TRAF5: variants seen among roughly 807,000 people sequenced by gnomAD.
TRAF5 encodes the protein TNF receptor-associated factor 5.
A neutral mutation model predicts 64.5 loss-of-function variants in TRAF5; 48 were observed. That is an observed-to-expected ratio of 0.74 (90% CI 0.59 to 0.95). The LOEUF (loss-of-function observed/expected upper bound fraction) is 0.95, where lower values mean the gene tolerates loss of function less well. TRAF5 is among the 40% of genes least tolerant of loss of function. The pLI is 0.00. For missense variants in TRAF5, 545 were observed against 662.8 expected, an observed-to-expected ratio of 0.82 and a Z score of 1.95; for synonymous variants, 206 against 240.5, an observed-to-expected ratio of 0.86 and a Z score of 1.33.
Position 211,372,224 on chromosome 1 carries a change from G to A in TRAF5, c.1196G>A (p.Gly399Asp), listed in dbSNP as rs1267899888. The A allele has an allele frequency of 1.9e-6, 3 of 1,613,868 alleles. No individual in the cohort carries two copies. Among genetic ancestry groups the A allele is most frequent in the Non-Finnish European group, 2.5e-6 (3 of 1,180,004 alleles). ...GAAGAGCGATTTAAACTGCTGGAGG[G>A]TACTTGCTATAATGGAAAGCTCATT... ...KNEERFKLLE[G>D]TCYNGKLIWK... Residue 399 changes from glycine to aspartate, a missense_variant, in exon 11 of 11, where the codon GGT (glycine) becomes GAT (aspartate). Physicochemically the swap from Gly to Asp is moderately conservative, Grantham distance 94. Coordinates refer to ENST00000261464, the MANE Select transcript of TRAF5 (RefSeq NM_001033910.3).
At chr1:211,328,893 G>C (rs1370439083) in intron 1 of TRAF5, among the ~76,000 whole-genome samples, 1 of 152,198 alleles carries the variant, frequency 6.6e-6, no homozygotes, top group Non-Finnish European at 1.5e-5. Flanking sequence ...GATTGTGAGG[G>C]TGAAGCACTG....
In TRAF5 at chr1:211,372,505, A is replaced by C. The variant is rs1353275542; in HGVS notation, c.1477A>C (p.Lys493Gln). ...TLMLLDQSGK[K>Q]NIMETFKPDP... is the part of the protein sequence containing the mutation. ...GATGCTTCTGGACCAGAGTGGCAAA[A>C]AGAACATTATGGAGACCTTCAAACC... The change falls in exon 11 of 11, where the codon AAG (lysine) becomes CAG (glutamine). Residue 493 changes from lysine (K) to glutamine (Q), a missense_variant. Coordinates refer to ENST00000261464, the MANE Select transcript of TRAF5 (RefSeq NM_001033910.3). 1 of 1,614,054 alleles carries C rather than the reference A, an allele frequency of 6.2e-7. No homozygotes were observed. The highest frequency in any genetic ancestry group is 8.5e-7 in the Non-Finnish European group (1 of 1,180,034).
intron 1 of TRAF5, among the ~76,000 whole-genome samples, chr1:211,349,676 G>A (rs1399397125): frequency 1.3e-5 from 2 of 152,230 alleles, no homozygotes; most frequent in African/African-American, 2.4e-5. Flanking sequence ...TGTAGCAAAA[G>A]ATGGACATAC....
intron 1 of TRAF5, among the ~76,000 whole-genome samples, chr1:211,331,078 C>T (rs911460355): frequency 1.6e-4 from 24 of 152,290 alleles, no homozygotes; most frequent in Admixed American, 3.9e-4. Context: ...TTGCAGAAAT[C>T]GCTGCTGTTC....
intron 8 of TRAF5, among the ~76,000 whole-genome samples, chr1:211,368,758 C>T (rs72743230): frequency 6.6e-6 from 1 of 152,252 alleles, no homozygotes; most frequent in Non-Finnish European, 1.5e-5. Context: ...CAATATGCTA[C>T]CCACGCATTT....
intron 7 of TRAF5, among the ~76,000 whole-genome samples, chr1:211,362,882 G>T (rs1040785969): frequency 1.3e-5 from 2 of 151,996 alleles, no homozygotes; most frequent in South Asian, 2.1e-4. Flanking sequence ...AAAAGGGGGG[G>T]GCTATTTTCC....
chr1:211,329,899 G>A (rs541530145), intron 1 of TRAF5, among the ~76,000 whole-genome samples: 1 of 152,318 alleles, frequency 6.6e-6, no homozygotes, highest in South Asian at 2.1e-4. Flanking sequence ...CCAGGAGTGG[G>A]CCAGCATGAA....
At chr1:211,346,963 T>C (rs1702628583) in intron 1 of TRAF5, among the ~76,000 whole-genome samples, 1 of 152,254 alleles carries the variant, frequency 6.6e-6, no homozygotes, top group African/African-American at 2.4e-5. Flanking sequence ...TTCTTTTGTC[T>C]CTTTTGGCTT....
At chr1:211,359,102 A>C (rs1020044679) in intron 4 of TRAF5, 17 of 151,926 alleles carry the variant, frequency 1.1e-4, no homozygotes, top group Admixed American at 9.2e-4. Context: ...GTACACCGCA[A>C]CACTTGGCTA....
chr1:211,334,958 C>G (rs1371036872), intron 1 of TRAF5, among the ~76,000 whole-genome samples: 2 of 152,182 alleles, frequency 1.3e-5, no homozygotes, highest in Admixed American at 6.5e-5. Context: ...TGGGTTTCAG[C>G]CCAGCATGGC....
chr1:211,360,615 A>G (rs977154652), intron 5 of TRAF5, 87 bp from the exon 6 acceptor site: 2 of 1,044,872 alleles, frequency 1.9e-6, no homozygotes, highest in Admixed American at 1.9e-5. Context: ...AAGCCACGTG[A>G]CATATAATCC....
At chr1:211,335,937 G>A (rs1480932508) in intron 1 of TRAF5, among the ~76,000 whole-genome samples, 2 of 152,180 alleles carry the variant, frequency 1.3e-5, no homozygotes, top group African/African-American at 2.4e-5. Context: ...ATTTGCAGGT[G>A]TGGTGGCAGG....
In TRAF5 at chr1:211,373,739, A is replaced by T. The variant is rs1703610185; in HGVS notation, c.*1037A>T. The T allele has an allele frequency of 6.6e-6, 1 of 152,106 alleles. No homozygotes were observed. The highest frequency in any genetic ancestry group is 1.5e-5 in the Non-Finnish European group (1 of 68,010). The allele number at this position is 152,106 out of a possible 1,614,324, so 9.4% of individuals were successfully genotyped here. ...CTAAAACAGTATCTACTATTCTCTG[A>T]TAACTTTTTTTTTGAGACAGAGTTT... On this transcript the variant is annotated 3_prime_UTR_variant, in exon 11 of 11. Transcript: ENST00000261464.
At chr1:211,371,567 C>A in intron 10 of TRAF5, 97 bp downstream of exon 10, 1 of 1,226,610 alleles carries the variant, frequency 8.2e-7, no homozygotes, top group Non-Finnish European at 1.1e-6. Context: ...TCACATCTGT[C>A]CAGGATAAAC....
chr1:211,333,910 A>G (rs1342771505), intron 1 of TRAF5, among the ~76,000 whole-genome samples: 1 of 151,768 alleles, frequency 6.6e-6, no homozygotes, highest in Non-Finnish European at 1.5e-5. Flanking sequence ...TACCCCTGCC[A>G]CTCTTTTCAA....
At chr1:211,338,830 G>C (rs1702373327) in intron 1 of TRAF5, among the ~76,000 whole-genome samples, 1 of 152,146 alleles carries the variant, frequency 6.6e-6, no homozygotes, top group Admixed American at 6.5e-5. Flanking sequence ...TCACCATGTT[G>C]CCCAGGTTGG....
At chr1:211,363,971 T>A (rs1703268132) in intron 7 of TRAF5, among the ~76,000 whole-genome samples, 1 of 149,714 alleles carries the variant, frequency 6.7e-6, no homozygotes, top group African/African-American at 2.5e-5. Context: ...ATCTTTACAG[T>A]CAGGCCCAAA....
intron 1 of TRAF5, among the ~76,000 whole-genome samples, chr1:211,343,258 A>G (rs878996642): frequency 6.6e-6 from 1 of 152,048 alleles, no homozygotes; most frequent in Admixed American, 6.6e-5. Context: ...AATCCAGGCA[A>G]GTCTACTCCA....
At chr1:211,355,359 T>G (rs940787704) in intron 3 of TRAF5, among the ~76,000 whole-genome samples, 1 of 152,294 alleles carries the variant, frequency 6.6e-6, no homozygotes, top group African/African-American at 2.4e-5. Flanking sequence ...TTTCTTTTTT[T>G]GGTTGCTTGT....
Sources: gnomAD v4.1 joint callset for allele counts (sites outside exome capture counted in the v4.1 genomes callset) on GRCh38, gnomAD v4.1.1 for gene constraint, MANE v1.5 for transcripts, NCBI Gene and HGNC (gene_info 2026-07-23, HGNC 2026-07-21) for gene names.